LRRFIP1: variants seen among roughly 807,000 people sequenced by gnomAD.
LRRFIP1 encodes the protein leucine-rich repeat flightless-interacting protein 1.
A neutral mutation model predicts 104.4 loss-of-function variants in LRRFIP1; 62 were observed. That is an observed-to-expected ratio of 0.59 (90% confidence interval 0.48 to 0.73). The LOEUF (loss-of-function observed/expected upper bound fraction) is 0.73. Among genes scored for constraint, LRRFIP1 ranks in the 30% least tolerant of loss-of-function variants. The probability of loss-of-function intolerance (pLI) is 0.00; values close to 1 mark genes in which losing one functional copy is unlikely to be tolerated. For missense variants in LRRFIP1, 796 were observed against 824.5 expected (o/e 0.97, Z 0.42); for synonymous variants, 300 against 299.0 (o/e 1.00, Z -0.03).
intron 15 of LRRFIP1, among the ~76,000 whole-genome samples, chr2:237,753,838 G>GTGTA (rs145960479): frequency 4.9e-4 from 41 of 84,200 alleles, no homozygotes; most frequent in Non-Finnish European, 6.0e-4. Flanking sequence ...GTGTGTGTGT[G>GTGTA]TGTATGTATG....
rs186791108 is a variant in LRRFIP1 at position 237,629,309 on chromosome 2, A to G, written c.96+1569A>G. ...CTCCTGTGAAGACAGTCACTTATGT[A>G]TGCATTTGACCACAGTGCCTTACAA... is the stretch of plus-strand genomic sequence containing the variant. On this transcript the variant is annotated intron_variant, in intron 1 of 23. Coordinates refer to ENST00000308482, the MANE Select transcript of LRRFIP1 (RefSeq NM_001137550.2). Among the ~76,000 whole-genome samples the G allele has an allele frequency of 7.1e-4, 108 of 152,304 alleles. 1 individual carries two copies. Among genetic ancestry groups the G allele is most frequent in the South Asian group, 1.0e-3 (5 of 4,824 alleles).
chr2:237,665,997 C>T (rs978311640), intron 1 of LRRFIP1, among the ~76,000 whole-genome samples: 6 of 152,248 alleles, frequency 3.9e-5, no homozygotes, highest in Non-Finnish European at 2.9e-5. Flanking sequence ...TCCCCAGGGG[C>T]GTCCCCCTCG....
In LRRFIP1 at chr2:237,780,960, G is replaced by T. The variant is rs1416688294; in HGVS notation, c.*1428G>T. Among the ~76,000 whole-genome samples the T allele has an allele frequency of 6.6e-6, 1 of 152,186 alleles. No homozygotes were observed. The highest frequency in any genetic ancestry group is 6.5e-5 in the Admixed American group (1 of 15,278). Reference sequence around the variant, plus strand: ...CAACACTGGCAAGTAGGAAACCACGGGTCGGACAGGTGAGCAAAATGTGCT... The same window carrying T: ...CAACACTGGCAAGTAGGAAACCACGTGTCGGACAGGTGAGCAAAATGTGCT... On this transcript the variant is annotated 3_prime_UTR_variant, in exon 24 of 24. Coordinates refer to ENST00000308482, the MANE Select transcript of LRRFIP1 (RefSeq NM_001137550.2).
chr2:237,638,378 G>A (rs1446180452), intron 1 of LRRFIP1, among the ~76,000 whole-genome samples: 1 of 152,160 alleles, frequency 6.6e-6, no homozygotes, highest in East Asian at 1.9e-4. Context: ...GTGGGAATGC[G>A]AGTGATAGGG....
intron 1 of LRRFIP1, among the ~76,000 whole-genome samples, chr2:237,651,896 T>C (rs1201432298): frequency 2.6e-5 from 4 of 152,248 alleles, no homozygotes; most frequent in Admixed American, 2.0e-4. Flanking sequence ...TTTGCACGGG[T>C]AGCCTCTCAG....
At chr2:237,758,654 C>A in intron 17 of LRRFIP1, 75 bp from the exon 18 acceptor site, 1 of 989,664 alleles carries the variant, frequency 1.0e-6, no homozygotes, top group Non-Finnish European at 1.6e-6. Flanking sequence ...AAGCCTCCTT[C>A]TGGTTCCTGC....
intron 1 of LRRFIP1, among the ~76,000 whole-genome samples, chr2:237,644,687 A>G (rs1030285348): frequency 2.6e-5 from 4 of 152,248 alleles, no homozygotes; most frequent in Non-Finnish European, 5.9e-5. Context: ...CAGTTTTCCC[A>G]CTAATGTCTC....
At chr2:237,640,981 G>A (rs2083874358) in intron 1 of LRRFIP1, among the ~76,000 whole-genome samples, 1 of 152,178 alleles carries the variant, frequency 6.6e-6, no homozygotes, top group South Asian at 2.1e-4. Flanking sequence ...CACCTCTGTG[G>A]TTTCTACCTC....
intron 19 of LRRFIP1, chr2:237,763,751 G>A (rs1295536108): frequency 1.2e-6 from 2 of 1,614,130 alleles, no homozygotes; most frequent in East Asian, 4.5e-5. Flanking sequence ...ATTAGATTTT[G>A]AGGATGACAC....
At chr2:237,746,307 C>T (rs1438057649) in intron 11 of LRRFIP1, among the ~76,000 whole-genome samples, 2 of 152,166 alleles carry the variant, frequency 1.3e-5, no homozygotes, top group East Asian at 1.9e-4. Flanking sequence ...GATCTGCCCA[C>T]CTCGGCCTCC....
chr2:237,667,693 A>T (rs1392819296), intron 1 of LRRFIP1, among the ~76,000 whole-genome samples: 2 of 152,178 alleles, frequency 1.3e-5, no homozygotes, highest in Non-Finnish European at 2.9e-5. Flanking sequence ...AGCATGGAGC[A>T]CACGTTTGTT....
At chr2:237,646,452 C>T (rs1033653545) in intron 1 of LRRFIP1, among the ~76,000 whole-genome samples, 2 of 151,748 alleles carry the variant, frequency 1.3e-5, no homozygotes, top group South Asian at 2.1e-4. Flanking sequence ...TGAGAACATG[C>T]GGTGTTTGGT....
intron 5 of LRRFIP1, among the ~76,000 whole-genome samples, chr2:237,720,501 C>T (rs1223274795): frequency 6.6e-6 from 1 of 152,098 alleles, no homozygotes; most frequent in Non-Finnish European, 1.5e-5. Flanking sequence ...CTGCCTGCCT[C>T]GGCCTCCCAA....
intron 1 of LRRFIP1, among the ~76,000 whole-genome samples, chr2:237,642,944 G>A (rs911670435): frequency 6.6e-6 from 1 of 152,172 alleles, no homozygotes; most frequent in South Asian, 2.1e-4. Flanking sequence ...GGCCAAGTCC[G>A]CCCCCGTTTT....
intron 1 of LRRFIP1, among the ~76,000 whole-genome samples, chr2:237,650,522 C>T (rs1013075408): frequency 1.3e-5 from 2 of 152,198 alleles, no homozygotes; most frequent in East Asian, 1.9e-4. Context: ...GCAGGTTACG[C>T]ACTGCAGAAG....
intron 19 of LRRFIP1, 136 bp downstream of exon 19, chr2:237,760,341 T>C (rs1457013726): frequency 9.5e-7 from 1 of 1,049,526 alleles, no homozygotes; most frequent in Non-Finnish European, 1.3e-6. Flanking sequence ...CATCACTTCA[T>C]GGTAATTTCC....
chr2:237,719,767 C>T (rs2150160710), intron 5 of LRRFIP1, among the ~76,000 whole-genome samples, 200 bp downstream of exon 5: 1 of 152,036 alleles, frequency 6.6e-6, no homozygotes, highest in African/African-American at 2.4e-5. Context: ...GCATTTTGAC[C>T]TAAATTTGAT....
chr2:237,725,882 C>T lies in LRRFIP1; in HGVS notation c.385-1994C>T, dbSNP rs374855429. On this transcript the variant is annotated intron_variant, in intron 7 of 23. Transcript: ENST00000308482. ...GGTTCCGCCACAGAGCTATGTATTT[C>T]ATAAGCAGCAGTGGAGAGCCAGAGG... 2.0e-4 allele frequency among the ~76,000 whole-genome samples: 31 copies of T among 152,384 alleles called. No homozygotes were observed. In the South Asian group the frequency reaches 6.0e-3, roughly 29 times the overall value.
chr2:237,737,163 G>A (rs1036330248), intron 10 of LRRFIP1, among the ~76,000 whole-genome samples: 3 of 152,164 alleles, frequency 2.0e-5, no homozygotes, highest in South Asian at 4.1e-4. Flanking sequence ...GACTTTCTTC[G>A]GTGTTGTGAC....
Sources: gnomAD v4.1 joint callset for allele counts (sites outside exome capture counted in the v4.1 genomes callset) on GRCh38, gnomAD v4.1.1 for gene constraint, MANE v1.5 for transcripts, NCBI Gene and HGNC (gene_info 2026-07-23, HGNC 2026-07-21) for gene names.